The following ROBO2 variants were observed in gnomAD, a reference collection of about 807,000 sequenced individuals.
ROBO2 encodes the protein roundabout homolog 2.
Under a neutral mutation model 160.8 loss-of-function variants are expected in ROBO2, and 53 were observed. That is an observed-to-expected ratio of 0.33 (90% CI 0.26 to 0.41). The LOEUF (loss-of-function observed/expected upper bound fraction) is 0.41. ROBO2 is among the 10% of genes least tolerant of loss of function. The pLI is 1.00. For synonymous variants in ROBO2, 664 were observed against 611.7 expected, an observed-to-expected ratio of 1.09 and a Z score of -1.26; for missense variants, 1,577 against 1,722.4, an observed-to-expected ratio of 0.92 and a Z score of 1.49.
At chr3:77,158,750 G>T (rs1345202174) in intron 2 of ROBO2, among the ~76,000 whole-genome samples, 2 of 152,074 alleles carry the variant, frequency 1.3e-5, no homozygotes, top group Non-Finnish European at 1.5e-5. Flanking sequence ...TGAGTGTTCA[G>T]TGCGGAGCTG....
chr3:77,060,621 T>G (rs1006635081), intron 1 of ROBO2, among the ~76,000 whole-genome samples: 3 of 152,114 alleles, frequency 2.0e-5, no homozygotes, highest in African/African-American at 7.2e-5. Flanking sequence ...GAGAGAGGCT[T>G]TCCCTAGACC....
chr3:77,334,307 T>G (rs766705988), intron 2 of ROBO2, among the ~76,000 whole-genome samples: 1 of 152,190 alleles, frequency 6.6e-6, no homozygotes, highest in South Asian at 2.1e-4. Flanking sequence ...ACTGCTGACC[T>G]ATATAAAGCT....
intron 2 of ROBO2, among the ~76,000 whole-genome samples, chr3:77,377,686 G>A (rs1378445315): frequency 6.6e-6 from 1 of 152,198 alleles, no homozygotes; most frequent in Admixed American, 6.5e-5. Context: ...TGTTGTTAAA[G>A]TGACTGAAGG....
At chr3:77,537,428 G>A (rs1457172759) in intron 6 of ROBO2, among the ~76,000 whole-genome samples, 1 of 152,116 alleles carries the variant, frequency 6.6e-6, no homozygotes, top group Admixed American at 6.5e-5. Context: ...TAATTTGTAT[G>A]TATATGTGAG....
rs576869362 is a variant in ROBO2, at chr3:76,459,793, C to T, written c.109+522191C>T. Among the ~76,000 whole-genome samples, 155 of 152,136 alleles carry T rather than the reference C, an allele frequency of 1.0e-3. 1 individual carries two copies. Among genetic ancestry groups the T allele is most frequent in the African/African-American group, 3.6e-3 (150 of 41,522 alleles). ...AAGGTAATAAAAACATCATCATGTT[C>T]CCATCACATAGTTTTATTTTGAAGG... On this transcript the variant is annotated intron_variant, in intron 2 of 26. Coordinates refer to the ROBO2 transcript ENST00000487694.
chr3:76,204,130 A>C (rs1407441688), intron 2 of ROBO2, among the ~76,000 whole-genome samples: 1 of 152,158 alleles, frequency 6.6e-6, no homozygotes, highest in African/African-American at 2.4e-5. Context: ...AACTGCACCC[A>C]TTTGTTACTT....
chr3:76,303,318 A>G (rs575463057), intron 2 of ROBO2, among the ~76,000 whole-genome samples: 3 of 152,206 alleles, frequency 2.0e-5, no homozygotes, highest in African/African-American at 7.2e-5. Context: ...AAATATATTC[A>G]TTTTAAAAGG....
At chr3:75,922,185 A>T (rs1363784896) in intron 1 of ROBO2, among the ~76,000 whole-genome samples, 1 of 152,216 alleles carries the variant, frequency 6.6e-6, no homozygotes, top group East Asian at 1.9e-4. Flanking sequence ...TGGTGTTCAG[A>T]TAATTGGCTA....
chr3:77,246,608 C>T (rs2089760505), intron 2 of ROBO2, among the ~76,000 whole-genome samples: 1 of 152,132 alleles, frequency 6.6e-6, no homozygotes, highest in South Asian at 2.1e-4. Flanking sequence ...TACACTTCAG[C>T]ATGCTCCAGG....
At chr3:76,725,833 G>A (rs781266148) in intron 2 of ROBO2, among the ~76,000 whole-genome samples, 2 of 152,140 alleles carry the variant, frequency 1.3e-5, no homozygotes, top group African/African-American at 2.4e-5. Context: ...ATCCACAGAG[G>A]AGCAATGAGC....
chr3:77,050,383 C>T (rs1578529989), intron 1 of ROBO2, among the ~76,000 whole-genome samples: 1 of 152,228 alleles, frequency 6.6e-6, no homozygotes, highest in South Asian at 2.1e-4. Context: ...TACTCAAACG[C>T]CAATTGTTTT....
chr3:76,788,177 A>G (rs1192906076), intron 2 of ROBO2, among the ~76,000 whole-genome samples: 2 of 151,580 alleles, frequency 1.3e-5, no homozygotes, highest in East Asian at 3.9e-4. Flanking sequence ...AGTACCTAGA[A>G]TACACCAGGC....
rs186380377 is a variant in ROBO2 at position 77,270,647 on chromosome 3, T to C, written c.388+172307T>C. ...AAGGAAAATTGGAATTTGTTTTGTT[T>C]TTTAGAATGGTTTCTGGCCAGGTGC... On this transcript the variant is annotated intron_variant, in intron 2 of 25. Transcript: ENST00000461745. Among the ~76,000 whole-genome samples the C allele has an allele frequency of 8.5e-5, 13 of 152,264 alleles. No homozygotes were observed. In the East Asian group the frequency reaches 2.3e-3, roughly 27 times the overall value.
chr3:77,197,726 A>G (rs1184295749), intron 2 of ROBO2, among the ~76,000 whole-genome samples: 2 of 152,236 alleles, frequency 1.3e-5, no homozygotes, highest in Non-Finnish European at 2.9e-5. Flanking sequence ...AGAAACCGTG[A>G]ACTGTTATTT....
At chr3:77,403,520 G>A (rs1006849144) in intron 2 of ROBO2, among the ~76,000 whole-genome samples, 2 of 151,038 alleles carry the variant, frequency 1.3e-5, no homozygotes, top group African/African-American at 2.4e-5. Context: ...ATTCATCCAT[G>A]CTGCCATGAA....
chr3:76,371,953 A>C (rs568261834), intron 2 of ROBO2, among the ~76,000 whole-genome samples: 18 of 152,038 alleles, frequency 1.2e-4, no homozygotes, highest in Admixed American at 9.2e-4. Flanking sequence ...TACTTAGAAG[A>C]AATTATGGTT....
intron 1 of ROBO2, among the ~76,000 whole-genome samples, chr3:75,917,493 A>G (rs1217107961): frequency 6.6e-6 from 1 of 152,222 alleles, no homozygotes; most frequent in African/African-American, 2.4e-5. Context: ...GCCACAATAA[A>G]CATACGTGTA....
intron 2 of ROBO2, among the ~76,000 whole-genome samples, chr3:76,004,799 C>T (rs865795713): frequency 1.3e-5 from 2 of 152,080 alleles, no homozygotes; most frequent in African/African-American, 2.4e-5. Context: ...GAAATGTTTC[C>T]ATTGAAGTGG....
At chr3:76,575,101 A>T (rs2085205600) in intron 2 of ROBO2, among the ~76,000 whole-genome samples, 1 of 152,094 alleles carries the variant, frequency 6.6e-6, no homozygotes, top group Admixed American at 6.6e-5. Flanking sequence ...AAAAAAATTA[A>T]CTATTTTTTA....
Sources: allele counts gnomAD v4.1 joint callset (sites outside exome capture counted in the v4.1 genomes callset), GRCh38; gene constraint gnomAD v4.1.1; transcripts MANE v1.5; gene names NCBI Gene and HGNC (gene_info 2026-07-23, HGNC 2026-07-21).